OR51B5: variants seen among roughly 807,000 people sequenced by gnomAD.
OR51B5 encodes the protein olfactory receptor family 51 subfamily B member 5.
For missense variants in OR51B5, 456 were observed against 374.6 expected (o/e 1.22, Z -1.79); for synonymous variants, 186 against 144.8 (o/e 1.28, Z -2.04).
chr11:5,496,926 A>G (rs372091), intron 1 of OR51B5, among the ~76,000 whole-genome samples: 150,359 of 152,268 alleles, frequency 0.99, 74,270 homozygotes, highest in East Asian at 1. Flanking sequence ...CATTAGAGTC[A>G]ATGCTGCTGG....
intron 1 of OR51B5, among the ~76,000 whole-genome samples, chr11:5,492,495 T>A (rs979166066): frequency 6.6e-6 from 1 of 152,186 alleles, no homozygotes; most frequent in African/African-American, 2.4e-5. Flanking sequence ...TTTTTCTCTC[T>A]GAGACTCTAA....
intron 1 of OR51B5, among the ~76,000 whole-genome samples, chr11:5,412,972 G>A (rs10734512): frequency 0.82 from 124,757 of 151,914 alleles, 52,065 homozygotes; most frequent in Non-Finnish European, 0.89. Context: ...GAGATCTGAG[G>A]ATGGGCAGAC....
chr11:5,352,158 TTTGA>T (rs1433808519), intron 1 of OR51B5: 1 of 1,614,186 alleles, frequency 6.2e-7, no homozygotes, highest in South Asian at 1.1e-5. Flanking sequence ...TCTCCTACAT[TTTGA>T]TTCTCAAGAC....
chr11:5,483,509 A>G (rs963277769), intron 1 of OR51B5, among the ~76,000 whole-genome samples: 2 of 93,592 alleles, frequency 2.1e-5, no homozygotes, highest in Middle Eastern at 0.01. Context: ...AAGTATAATT[A>G]AAAAAAAAAG....
chr11:5,359,203 G>A (rs188879261), intron 1 of OR51B5, among the ~76,000 whole-genome samples: 4,478 of 150,832 alleles, frequency 0.03, 223 homozygotes, highest in African/African-American at 0.1. Flanking sequence ...AAGTCAAATT[G>A]TCCCTGTTTG....
At chr11:5,466,811 T>C (rs533286701) in intron 1 of OR51B5, among the ~76,000 whole-genome samples, 2 of 152,342 alleles carry the variant, frequency 1.3e-5, no homozygotes, top group African/African-American at 2.4e-5. Flanking sequence ...CACTTCTGTG[T>C]GTCAGAGCGA....
chr11:5,502,058 A>G (rs1445585189), intron 1 of OR51B5, among the ~76,000 whole-genome samples: 1 of 152,038 alleles, frequency 6.6e-6, no homozygotes, highest in Non-Finnish European at 1.5e-5. Flanking sequence ...AGCTTTGTAA[A>G]TTCTATCTCC....
chr11:5,485,266 C>T (rs898244605), intron 1 of OR51B5, among the ~76,000 whole-genome samples: 1 of 152,182 alleles, frequency 6.6e-6, no homozygotes, highest in African/African-American at 2.4e-5. Context: ...ACCTTCCTCT[C>T]ACGTTTTCTA....
intron 1 of OR51B5, among the ~76,000 whole-genome samples, chr11:5,413,335 A>G (rs10838066): frequency 0.42 from 62,901 of 151,430 alleles, 13,806 homozygotes; most frequent in Non-Finnish European, 0.49. Context: ...AAAGATGGGG[A>G]AAAAACAGAG....
At chr11:5,451,537 A>G (rs6578645) in intron 1 of OR51B5, among the ~76,000 whole-genome samples, 60,167 of 151,994 alleles carry the variant, frequency 0.4, 13,103 homozygotes, top group Non-Finnish European at 0.5. Context: ...CATATTCAGT[A>G]CAACACGGAG....
rs149148965 is a variant in OR51B5, at chr11:5,432,140, T to G, written n.84+73429A>C. Among the ~76,000 whole-genome samples the G allele has an allele frequency of 3.3e-5, 5 of 152,316 alleles. No homozygotes were observed. The East Asian group carries it at 9.6e-4, about 29-fold the overall frequency. On this transcript the variant is annotated intron_variant and non_coding_transcript_variant, in intron 1 of 4. Coordinates refer to the OR51B5 transcript ENST00000415970. ...CTAATTCCTTCTATCTAACTATGTG[T>G]TTATAGCTATTAACCAGCCTCTCCT...
At chr11:5,479,966 C>T (rs1481694987) in intron 1 of OR51B5, among the ~76,000 whole-genome samples, 139 of 145,926 alleles carry the variant, frequency 9.5e-4, no homozygotes, top group Non-Finnish European at 1.9e-3. Flanking sequence ...GACAGAAAGT[C>T]AACAAGGATA....
intron 1 of OR51B5, among the ~76,000 whole-genome samples, chr11:5,356,319 C>T (rs1849194300): frequency 6.6e-6 from 1 of 151,910 alleles, no homozygotes; most frequent in Middle Eastern, 3.4e-3. Context: ...ATGAGAACTA[C>T]ATGATGAATG....
intron 1 of OR51B5, among the ~76,000 whole-genome samples, chr11:5,406,392 G>C (rs1272796258): frequency 3.2e-4 from 48 of 152,026 alleles, no homozygotes; most frequent in Admixed American, 3.0e-3. Flanking sequence ...TCAGGTTCAG[G>C]AAGAATCCTA....
chr11:5,503,900 ACTGT>A lies in OR51B5; in HGVS notation n.84+1665_84+1668del, dbSNP rs576647232. On this transcript the variant is annotated intron_variant and non_coding_transcript_variant, in intron 1 of 4. Coordinates refer to the OR51B5 transcript ENST00000415970. ...TTAAGAGTATGGGCTCTGGAATTAG[ACTGT>A]CTAATCCTGGCTGTAATATGAAGTG... 7.9e-5 allele frequency among the ~76,000 whole-genome samples: 12 copies of A among 152,310 alleles called. No individual in the cohort carries two copies. The South Asian group carries it at 2.1e-3, about 26-fold the overall frequency.
chr11:5,412,174 T>C (rs1431937611), intron 1 of OR51B5, among the ~76,000 whole-genome samples: 1 of 152,186 alleles, frequency 6.6e-6, no homozygotes, highest in East Asian at 1.9e-4. Flanking sequence ...TTTACAGATA[T>C]GGTAGTCCTT....
chr11:5,361,562 C>G (rs1452594821), intron 1 of OR51B5, among the ~76,000 whole-genome samples: 1 of 152,080 alleles, frequency 6.6e-6, no homozygotes, highest in African/African-American at 2.4e-5. Flanking sequence ...GAGCAGTAGA[C>G]GGTTGGCTTA....
intron 1 of OR51B5, among the ~76,000 whole-genome samples, chr11:5,353,267 G>A (rs1849131770): frequency 6.6e-6 from 1 of 152,064 alleles, no homozygotes; most frequent in Non-Finnish European, 1.5e-5. Context: ...AAATAATATT[G>A]ATAATAATTT....
intron 1 of OR51B5, among the ~76,000 whole-genome samples, chr11:5,411,285 C>T (rs192020968): frequency 6.6e-6 from 1 of 152,278 alleles, no homozygotes; most frequent in Admixed American, 6.5e-5. Flanking sequence ...CACTGTGTTA[C>T]AATTGCTTAC....
Sources: allele counts gnomAD v4.1 joint callset (sites outside exome capture counted in the v4.1 genomes callset), GRCh38; gene constraint gnomAD v4.1.1; transcripts MANE v1.5; gene names NCBI Gene and HGNC (gene_info 2026-07-23, HGNC 2026-07-21).